The following RUNDC3A variants were observed in gnomAD, a reference collection of about 807,000 sequenced individuals.
RUNDC3A encodes the protein RUN domain-containing protein 3A.
A neutral mutation model predicts 53.9 loss-of-function variants in RUNDC3A; 28 were observed. The observed-to-expected ratio is 0.52, with a 90% CI of 0.38 to 0.71. RUNDC3A has a LOEUF of 0.71. Among genes scored for constraint, RUNDC3A ranks in the 30% least tolerant of loss-of-function variants. The pLI is 0.00. For synonymous variants in RUNDC3A, 232 were observed against 249.4 expected, an observed-to-expected ratio of 0.93 and a Z score of 0.66; for missense variants, 491 against 597.3, an observed-to-expected ratio of 0.82 and a Z score of 1.85.
chr17:44,317,974 C>T, intron 10 of RUNDC3A, 122 bp from the exon 11 acceptor site: 2 of 996,442 alleles, frequency 2.0e-6, no homozygotes, highest in Non-Finnish European at 2.9e-6. Flanking sequence ...ATGGCAAATG[C>T]TGTGGAATAT....
In RUNDC3A at chr17:44,316,636, C is replaced by A; in HGVS notation, c.1109C>A (p.Thr370Lys). The A allele has an allele frequency of 6.4e-7, 1 of 1,551,108 alleles. No homozygotes were observed. The highest frequency in any genetic ancestry group is 1.2e-5 in the South Asian group (1 of 84,136). Reference sequence around the variant, plus strand: ...TGCCGCAGACACAGCTTCATGAGCACGGAGCCGCTGTCAGCTGAAGCCAGT... The same window carrying A: ...TGCCGCAGACACAGCTTCATGAGCAAGGAGCCGCTGTCAGCTGAAGCCAGT... ...KLYRRHSFMS[T>K]EPLSAEASLS... The change falls in exon 10 of 11, where the codon ACG (threonine) becomes AAG (lysine). Residue 370 changes from threonine (T) to lysine (K), a missense_variant. By Grantham distance (78) the Thr-to-Lys change is moderately conservative (BLOSUM62 -1). This residue lies in a region of RUNDC3A where 218 missense variants were observed against 208.2 expected (regional missense o/e 1.05). Coordinates refer to ENST00000426726, the MANE Select transcript of RUNDC3A (RefSeq NM_001144825.2).
In RUNDC3A at chr17:44,314,677, G is replaced by C. The variant is rs977750628; in HGVS notation, c.459-58G>C. 242 of 1,011,554 alleles carry C rather than the reference G, an allele frequency of 2.4e-4. 2 individuals carry two copies. The highest frequency in any genetic ancestry group is 3.1e-4 in the Middle Eastern group (1 of 3,228). The allele number at this position is 1,011,554 out of a possible 1,614,324, so 62.7% of individuals were successfully genotyped here. On this transcript the variant is annotated intron_variant, in intron 4 of 10. Coordinates refer to ENST00000426726, the MANE Select transcript of RUNDC3A (RefSeq NM_001144825.2). ...AGTAAGCCAACAATAGCAGCTCTGG[G>C]GGGGGGGGGGGCGCTCCAGGGGCCT...
chr17:44,311,227 G>A (rs1391058241), intron 1 of RUNDC3A: 2 of 985,486 alleles, frequency 2.0e-6, no homozygotes, highest in Admixed American at 6.1e-5. Flanking sequence ...TGGCCTGAGA[G>A]CCTCAGAGGT....
In RUNDC3A at chr17:44,315,889, C is replaced by G. The variant is rs2047852594; in HGVS notation, c.953+280C>G. Among the ~76,000 whole-genome samples, 1 of 152,088 alleles carries G rather than the reference C, an allele frequency of 6.6e-6. No individual in the cohort carries two copies. The highest frequency in any genetic ancestry group is 6.5e-5 in the Admixed American group (1 of 15,276). On this transcript the variant is annotated intron_variant, in intron 8 of 10. Transcript: ENST00000426726. The surrounding 1 kb of genome is among the most constrained non-coding windows in gnomAD (Gnocchi z 6.1). ...GCCATCCAACCTTACTGCAGGGACC[C>G]CACGTCACTCACAAGGACCTGCGGT...
intron 10 of RUNDC3A, chr17:44,317,700 C>A: frequency 1.6e-6 from 1 of 633,836 alleles, no homozygotes; most frequent in Non-Finnish European, 2.9e-6. Context: ...GGCCATGTAG[C>A]CCCATCACAC....
chr17:44,313,681 T>G, intron 4 of RUNDC3A, 178 bp downstream of exon 4: 2 of 995,306 alleles, frequency 2.0e-6, no homozygotes, highest in Non-Finnish European at 1.3e-6. Flanking sequence ...ACGAACTCTT[T>G]TTTTTTTTTT....
chr17:44,315,252 G>A lies in RUNDC3A; in HGVS notation c.727G>A (p.Asp243Asn), dbSNP rs2047835331. ...PEHPYLPLVTDEDSWYSKWHK... is the reference protein window; with the variant it reads ...PEHPYLPLVTNEDSWYSKWHK... The stretch of plus-strand genomic sequence containing the variant: ...GCACCCGTACCTCCCGCTCGTCACC[G>A]ATGAGGACAGCTGGTACAGCAAGTG... The change falls in exon 7 of 11, where the codon GAT (aspartate) becomes AAT (asparagine). Residue 243 changes from aspartate to asparagine, a missense_variant. Asp to Asn is a conservative substitution (Grantham distance 23). Around this residue, in one of 2 missense-constraint regions of RUNDC3A, gnomAD observed 273 missense variants for 389.0 expected, o/e 0.70. Coordinates refer to ENST00000426726, the MANE Select transcript of RUNDC3A (RefSeq NM_001144825.2). This position sits in a 1 kb window ranked among gnomAD's most constrained non-coding sequence, Gnocchi z 6.1. 5.8e-6 allele frequency: 9 copies of A among 1,550,572 alleles called. No homozygotes were observed. Among genetic ancestry groups the A allele is most frequent in the Non-Finnish European group, 7.0e-6 (8 of 1,146,860 alleles).
chr17:44,314,672 T>TC, intron 4 of RUNDC3A, 63 bp from the exon 5 acceptor site: 2 of 469,740 alleles, frequency 4.3e-6, no homozygotes, highest in African/African-American at 5.3e-5. Flanking sequence ...CAATAGCAGC[T>TC]CTGGGGGGGG....
At chr17:44,316,327 T>C in intron 8 of RUNDC3A, 58 bp from the exon 9 acceptor site, 2 of 1,527,890 alleles carry the variant, frequency 1.3e-6, no homozygotes, top group Middle Eastern at 1.7e-4. Context: ...CCTTGCTGAA[T>C]CTCCCTTCCT....
At position 44,315,876 on chromosome 17, in the gene RUNDC3A, TACTGCAGGG is replaced by T. The variant is rs1174702275; in HGVS notation, c.953+270_953+278del. Among the ~76,000 whole-genome samples, 8 of 151,988 alleles carry T rather than the reference TACTGCAGGG, an allele frequency of 5.3e-5. No individual in the cohort carries two copies. Among genetic ancestry groups the T allele is most frequent in the Non-Finnish European group, 8.8e-5 (6 of 68,006 alleles). ...TTCCGCTAGAGTGGCCATCCAACCT[TACTGCAGGG>T]ACCCCACGTCACTCACAAGGACCTG... On this transcript the variant is annotated intron_variant, in intron 8 of 10. Transcript: ENST00000426726. This position sits in a 1 kb window ranked among gnomAD's most constrained non-coding sequence, Gnocchi z 6.1.
At position 44,318,423 on chromosome 17, in the gene RUNDC3A, A is replaced by G; in HGVS notation, c.*185A>G. The G allele has an allele frequency of 1.4e-6, 1 of 700,194 alleles. No individual in the cohort carries two copies. The highest frequency in any genetic ancestry group is 2.0e-5 in the South Asian group (1 of 49,300). 43.4% of individuals were successfully genotyped at this position (700,194 alleles called of 1,614,324 possible). On this transcript the variant is annotated 3_prime_UTR_variant, in exon 11 of 11. Transcript: ENST00000426726. ...CTGCCTTGGCAGCACGGGCTGCGGA[A>G]GAAAGCACGCTGGGCCAGGAGGCAG...
rs1178949935 is a variant in RUNDC3A, at chr17:44,309,015, G to A, written c.107+76G>A. ...GGTGGACTGCGGAAACCCGGACTGA[G>A]CGCTGCCGCGGAGAAAAGGGAGGGG... On this transcript the variant is annotated intron_variant, in intron 1 of 10. Transcript: ENST00000426726. 5 of 1,006,716 alleles carry A rather than the reference G, an allele frequency of 5.0e-6. No homozygotes were observed. The East Asian group carries it at 1.1e-4, about 23-fold the overall frequency. The allele number at this position is 1,006,716 out of a possible 1,614,324, so 62.4% of individuals were successfully genotyped here.
rs990694117 is a variant in RUNDC3A at position 44,316,470 on chromosome 17, C to T, written c.1039C>T (p.Leu347=). ...TTPLVNQWPS[L]GTLNGAEGAS... ...ACCCCTGGTCAATCAATGGCCCTCA[C>T]TGGGAACGCTTAATGGGGCCGAGGG... Residue 347 remains leucine, a synonymous_variant, in exon 9 of 11, where the codon CTG becomes TTG. Coordinates refer to ENST00000426726, the MANE Select transcript of RUNDC3A (RefSeq NM_001144825.2). 2 of 1,613,674 alleles carry T rather than the reference C, an allele frequency of 1.2e-6. No homozygotes were observed. The highest frequency in any genetic ancestry group is 1.7e-5 in the Admixed American group (1 of 60,012).
Position 44,313,469 on chromosome 17 carries a change from A to T in RUNDC3A, c.424A>T (p.Ile142Phe). ...GATGGAGAAGCGCATGTCAGAATAC[A>T]TCACCACGGCTCTGCGTGACACCCG... is the stretch of plus-strand genomic sequence containing the variant. Reference protein sequence around the residue: ...ALMEKRMSEYITTALRDTRTT... With the variant: ...ALMEKRMSEYFTTALRDTRTT... The change falls in exon 4 of 11, where the codon ATC becomes TTC. Residue 142 changes from isoleucine (I) to phenylalanine (F), a missense_variant. Ile to Phe is a conservative substitution (Grantham distance 21, BLOSUM62 0). Coordinates refer to ENST00000426726, the MANE Select transcript of RUNDC3A (RefSeq NM_001144825.2). 1.9e-6 allele frequency: 3 copies of T among 1,613,658 alleles called. No homozygotes were observed.
rs954595326 is a variant in RUNDC3A at position 44,318,359 on chromosome 17, G to C, written c.*121G>C. 1.8e-6 allele frequency: 2 copies of C among 1,130,356 alleles called. No individual in the cohort carries two copies. Among genetic ancestry groups the C allele is most frequent in the African/African-American group, 3.1e-5 (2 of 64,728 alleles). The allele number at this position is 1,130,356 out of a possible 1,614,324, so 70.0% of individuals were successfully genotyped here. On this transcript the variant is annotated 3_prime_UTR_variant, in exon 11 of 11. Coordinates refer to ENST00000426726, the MANE Select transcript of RUNDC3A (RefSeq NM_001144825.2). Reference sequence around the variant, plus strand: ...AGAGAACGCTACCCACCCAGCCAGGGTTCTCTCGGGGAAGATCTCGTCTGC... The same window carrying C: ...AGAGAACGCTACCCACCCAGCCAGGCTTCTCTCGGGGAAGATCTCGTCTGC...
In RUNDC3A at chr17:44,308,958, C is replaced by A. The variant is rs555559071; in HGVS notation, c.107+19C>A. On this transcript the variant is annotated intron_variant, in intron 1 of 10. Transcript: ENST00000426726. Reference sequence around the variant, plus strand: ...TGTGCAGGTGGGCACCGCTAGTGGGCGGGGGCTGGGGTGGTGAGGGAGAGG... The same window carrying A: ...TGTGCAGGTGGGCACCGCTAGTGGGAGGGGGCTGGGGTGGTGAGGGAGAGG... The A allele has an allele frequency of 4.3e-5, 33 of 770,962 alleles. No homozygotes were observed. The East Asian group carries it at 9.3e-4, about 22-fold the overall frequency. The allele number at this position is 770,962 out of a possible 1,614,324, so 47.8% of individuals were successfully genotyped here. A position where few individuals can be genotyped will look rare whatever the true frequency, so the allele number is the denominator to read the frequency against.
At chr17:44,309,146 C>T (rs984117475) in intron 1 of RUNDC3A, among the ~76,000 whole-genome samples, 4 of 152,034 alleles carry the variant, frequency 2.6e-5, no homozygotes, top group Admixed American at 2.0e-4. Flanking sequence ...AGCCTATGCC[C>T]GGGCCTGGGC....
At chr17:44,316,568 T>C (rs755388948) in intron 9 of RUNDC3A, 46 bp downstream of exon 9, 18 of 1,586,298 alleles carry the variant, frequency 1.1e-5, no homozygotes, top group Non-Finnish European at 1.5e-5. Context: ...CGGGTCGTCC[T>C]GGGGAAGAAG....
In RUNDC3A at chr17:44,315,716, C is replaced by T; in HGVS notation, c.953+107C>T. 1 of 1,055,890 alleles carries T rather than the reference C, an allele frequency of 9.5e-7. No individual in the cohort carries two copies. Among genetic ancestry groups the T allele is most frequent in the East Asian group, 3.3e-5 (1 of 30,562 alleles). The allele number at this position is 1,055,890 out of a possible 1,614,324, so 65.4% of individuals were successfully genotyped here. On this transcript the variant is annotated intron_variant, in intron 8 of 10. Coordinates refer to ENST00000426726, the MANE Select transcript of RUNDC3A (RefSeq NM_001144825.2). This position sits in a 1 kb window ranked among gnomAD's most constrained non-coding sequence, Gnocchi z 6.1. ...ACTCTAACATCACCCGACACGAGCA[C>T]CCACCTCTCCAGCATCAACCCTCTG...
Sources: allele counts gnomAD v4.1 joint callset (sites outside exome capture counted in the v4.1 genomes callset), GRCh38; gene constraint gnomAD v4.1.1; regional missense constraint gnomAD v4.1.1; non-coding constraint Gnocchi (gnomAD v3.1); transcripts MANE v1.5; gene names NCBI Gene and HGNC (gene_info 2026-07-23, HGNC 2026-07-21).